The following ABCA13 variants were observed in gnomAD, a reference collection of about 807,000 sequenced individuals.
ABCA13 encodes ATP-binding cassette sub-family A member 13.
A neutral mutation model predicts 478.7 loss-of-function variants in ABCA13; 476 were observed. The ratio of observed to expected loss-of-function variants is 0.99; its 90% CI spans 0.92 to 1.07. The LOEUF (loss-of-function observed/expected upper bound fraction) is 1.07. Among genes scored for constraint, ABCA13 ranks in the 50% least tolerant of loss-of-function variants. The pLI, the probability that ABCA13 is intolerant of heterozygous loss-of-function variation, is 0.00. For missense variants in ABCA13, 6,060 were observed against 5,910.6 expected, an observed-to-expected ratio of 1.03 and a Z score of -0.83; for synonymous variants, 2,252 against 2,158.9, an observed-to-expected ratio of 1.04 and a Z score of -1.20.
At chr7:48,191,581 T>C (rs1797114167) in intron 1 of ABCA13, among the ~76,000 whole-genome samples, 1 of 152,072 alleles carries the variant, frequency 6.6e-6, no homozygotes, top group African/African-American at 2.4e-5. Flanking sequence ...TTTTTTTTTG[T>C]ATTTTTGGTA....
chr7:48,581,427 C>A (rs1196996753), intron 56 of ABCA13, among the ~76,000 whole-genome samples: 2 of 152,176 alleles, frequency 1.3e-5, no homozygotes, highest in South Asian at 2.1e-4. Context: ...AGATAACTGA[C>A]CACCCCACAG....
At chr7:48,607,007 G>A (rs1293929913) in intron 58 of ABCA13, among the ~76,000 whole-genome samples, 1 of 152,202 alleles carries the variant, frequency 6.6e-6, no homozygotes, top group Non-Finnish European at 1.5e-5. Flanking sequence ...TACACTTTGA[G>A]GGTGAAACCG....
chr7:48,378,856 G>C (rs763535792), intron 35 of ABCA13, among the ~76,000 whole-genome samples: 1 of 152,188 alleles, frequency 6.6e-6, no homozygotes, highest in Non-Finnish European at 1.5e-5. Context: ...CCTCTAATGA[G>C]TTATGATTCC....
intron 38 of ABCA13, among the ~76,000 whole-genome samples, chr7:48,396,066 G>A (rs1216759418): frequency 6.6e-6 from 1 of 152,186 alleles, no homozygotes; most frequent in African/African-American, 2.4e-5. Flanking sequence ...GTGGTGCTAG[G>A]CTCCCACCAG....
chr7:48,568,434 A>T (rs1443531401), intron 55 of ABCA13, among the ~76,000 whole-genome samples: 1 of 152,120 alleles, frequency 6.6e-6, no homozygotes, highest in African/African-American at 2.4e-5. Context: ...TTAATTTTAT[A>T]TATTAAACTA....
intron 15 of ABCA13, among the ~76,000 whole-genome samples, chr7:48,265,013 T>C (rs1794689926): frequency 6.6e-6 from 1 of 151,700 alleles, no homozygotes; most frequent in Admixed American, 6.6e-5. Flanking sequence ...TAAGGGGACC[T>C]AATTACTCCA....
At chr7:48,350,871 T>C in intron 30 of ABCA13, 52 bp downstream of exon 30, 1 of 1,557,314 alleles carries the variant, frequency 6.4e-7, no homozygotes, top group Non-Finnish European at 8.7e-7. Context: ...TCCTGTAAGT[T>C]GTCATTTTGG....
intron 8 of ABCA13, 108 bp downstream of exon 8, chr7:48,234,259 C>G (rs569929317): frequency 1.3e-6 from 2 of 1,523,550 alleles, no homozygotes; most frequent in Non-Finnish European, 1.8e-6. Flanking sequence ...GGCAGCCAGA[C>G]AGGAGAGTTC....
At chr7:48,199,467 T>A (rs10278351) in intron 3 of ABCA13, among the ~76,000 whole-genome samples, 112,732 of 152,020 alleles carry the variant, frequency 0.74, 42,243 homozygotes, top group Non-Finnish European at 0.8. Context: ...GGGTCTCTTT[T>A]ATACGGGCAC....
intron 23 of ABCA13, among the ~76,000 whole-genome samples, chr7:48,303,888 A>G (rs1800518476): frequency 6.6e-6 from 1 of 152,230 alleles, no homozygotes; most frequent in South Asian, 2.1e-4. Context: ...TTACCATGGC[A>G]TAGGAAGGTA....
chr7:48,559,998 A>G (rs1786283195), intron 55 of ABCA13, among the ~76,000 whole-genome samples: 1 of 152,176 alleles, frequency 6.6e-6, no homozygotes, highest in Admixed American at 6.5e-5. Context: ...GGGTGGTGCA[A>G]GAACTTCCTT....
At position 48,278,979 on chromosome 7, in the gene ABCA13, T is replaced by C; in HGVS notation, c.7785T>C (p.Leu2595=). 1 of 1,613,440 alleles carries C rather than the reference T, an allele frequency of 6.2e-7. No individual in the cohort carries two copies. Among genetic ancestry groups the C allele is most frequent in the Non-Finnish European group, 8.5e-7 (1 of 1,179,800 alleles). Residue 2595 remains leucine (L), a synonymous_variant, in exon 18 of 62, where the codon CTT becomes CTC. Coordinates refer to ENST00000435803, the MANE Select transcript of ABCA13 (RefSeq NM_152701.5). ...EKINDLLVPF[L]DLAFEMIGVE... is the part of the protein sequence containing the mutation. ...TAAATGATTTGTTGGTGCCATTTCT[T>C]GACTTGGCCTTTGAAATGATTGGGG... is the stretch of plus-strand genomic sequence containing the variant.
intron 11 of ABCA13, 27 bp from the exon 12 acceptor site, chr7:48,245,485 A>G (rs1386438200): frequency 1.3e-6 from 2 of 1,574,304 alleles, no homozygotes; most frequent in Non-Finnish European, 1.7e-6. Flanking sequence ...CCTTAGGTGA[A>G]TAATAATCAA....
intron 58 of ABCA13, among the ~76,000 whole-genome samples, chr7:48,599,105 A>C (rs1323175225): frequency 2.8e-5 from 1 of 35,178 alleles, no homozygotes; most frequent in Non-Finnish European, 5.7e-5. Flanking sequence ...GAAAACAGTA[A>C]GTGTTATTCC....
intron 58 of ABCA13, among the ~76,000 whole-genome samples, chr7:48,606,552 C>T (rs1791486273): frequency 6.6e-6 from 1 of 152,210 alleles, no homozygotes; most frequent in Non-Finnish European, 1.5e-5. Context: ...GGCTGCAGAA[C>T]AGCAAAGATT....
intron 55 of ABCA13, among the ~76,000 whole-genome samples, chr7:48,577,659 A>C (rs1198792542): frequency 1.3e-5 from 2 of 152,170 alleles, no homozygotes; most frequent in African/African-American, 4.8e-5. Context: ...TTAAGAAAGA[A>C]ATGATATCAA....
At chr7:48,330,567 A>G (rs1805199317) in intron 27 of ABCA13, among the ~76,000 whole-genome samples, 1 of 149,534 alleles carries the variant, frequency 6.7e-6, no homozygotes, top group Admixed American at 6.6e-5. Context: ...CCACACATCC[A>G]TCCATCCATC....
intron 3 of ABCA13, among the ~76,000 whole-genome samples, chr7:48,211,185 T>A (rs1785598652): frequency 6.6e-6 from 1 of 152,266 alleles, no homozygotes; most frequent in African/African-American, 2.4e-5. Context: ...CATTAATGGC[T>A]GAGCATTGAA....
At chr7:48,347,082 A>G (rs991693520) in intron 29 of ABCA13, among the ~76,000 whole-genome samples, 2 of 152,170 alleles carry the variant, frequency 1.3e-5, no homozygotes, top group Admixed American at 6.5e-5. Context: ...TGCATACCCC[A>G]TAAGTACCAG....
Sources: allele counts gnomAD v4.1 joint callset (sites outside exome capture counted in the v4.1 genomes callset), GRCh38; gene constraint gnomAD v4.1.1; transcripts MANE v1.5; gene names NCBI Gene and HGNC (gene_info 2026-07-23, HGNC 2026-07-21).